Variants in SLC24A2 observed in about 807,000 individuals in gnomAD.
SLC24A2 encodes solute carrier family 24 member 2.
Under a neutral mutation model 62.0 loss-of-function variants are expected in SLC24A2, and 36 were observed. The observed-to-expected ratio is 0.58, with a 90% CI of 0.44 to 0.77. SLC24A2 has a LOEUF of 0.77. Ranked by LOEUF, SLC24A2 falls within the 30% of genes least tolerant of loss-of-function variation. SLC24A2 has a pLI of 0.00. For synonymous variants in SLC24A2, 358 were observed against 294.0 expected, an observed-to-expected ratio of 1.22 and a Z score of -2.23; for missense variants, 846 against 817.9, an observed-to-expected ratio of 1.03 and a Z score of -0.42.
the SLC24A2 span, among the ~76,000 whole-genome samples, chr9:19,898,432 T>G: frequency 6.6e-6 from 1 of 152,164 alleles, no homozygotes; most frequent in African/African-American, 2.4e-5. Flanking sequence ...TTACAGGTTT[T>G]GTGTGAGAAT....
chr9:20,043,511 T>C, the SLC24A2 span, among the ~76,000 whole-genome samples: 12,023 of 152,256 alleles, frequency 0.079, 1,129 homozygotes, highest in East Asian at 0.48. Flanking sequence ...ATTAAGGGCA[T>C]TTGTGATTCA....
At chr9:20,196,562 T>A in the SLC24A2 span, among the ~76,000 whole-genome samples, 1 of 152,214 alleles carries the variant, frequency 6.6e-6, no homozygotes, top group Non-Finnish European at 1.5e-5. Flanking sequence ...CCATTTATAT[T>A]TTCTCATAAT....
the SLC24A2 span, among the ~76,000 whole-genome samples, chr9:19,956,250 C>T: frequency 6.6e-6 from 1 of 152,212 alleles, no homozygotes; most frequent in Admixed American, 6.5e-5. Context: ...CCAAAGTTGT[C>T]TAAACTAGTC....
chr9:19,719,484 C>T (rs1422951352), intron 2 of SLC24A2, among the ~76,000 whole-genome samples: 1 of 149,862 alleles, frequency 6.7e-6, no homozygotes, highest in Non-Finnish European at 1.5e-5. Context: ...TTTTGTTGTA[C>T]AGAGTGAGAG....
chr9:20,241,178 T>G, the SLC24A2 span, among the ~76,000 whole-genome samples: 5 of 152,232 alleles, frequency 3.3e-5, no homozygotes, highest in Admixed American at 1.3e-4. Flanking sequence ...GCTCACCTGG[T>G]GTTAACACTG....
intron 2 of SLC24A2, among the ~76,000 whole-genome samples, chr9:19,750,993 C>T (rs183581738): frequency 4.3e-4 from 66 of 152,320 alleles, no homozygotes; most frequent in Middle Eastern, 6.8e-3. Context: ...TTAGCTGCAC[C>T]CCTAGTTTGT....
the SLC24A2 span, among the ~76,000 whole-genome samples, chr9:20,142,356 G>A: frequency 3.9e-4 from 60 of 151,902 alleles, no homozygotes; most frequent in African/African-American, 1.0e-3. Flanking sequence ...TTTGTGTTAC[G>A]TATTTTTTAT....
chr9:19,771,999 C>T (rs1822705131), intron 2 of SLC24A2, among the ~76,000 whole-genome samples: 1 of 152,120 alleles, frequency 6.6e-6, no homozygotes, highest in African/African-American at 2.4e-5. Flanking sequence ...GCAAAACAGG[C>T]AAAGTTCACA....
At chr9:19,653,175 G>A (rs1309489445) in intron 2 of SLC24A2, among the ~76,000 whole-genome samples, 1 of 152,136 alleles carries the variant, frequency 6.6e-6, no homozygotes, top group African/African-American at 2.4e-5. Context: ...TACACTCAGG[G>A]CCAGTCTCAG....
At chr9:20,266,905 C>T in the SLC24A2 span, among the ~76,000 whole-genome samples, 2 of 152,062 alleles carry the variant, frequency 1.3e-5, no homozygotes, top group Non-Finnish European at 1.5e-5. Flanking sequence ...GAATGAGACC[C>T]CATCTCCACA....
At chr9:19,992,504 T>G in the SLC24A2 span, among the ~76,000 whole-genome samples, 1 of 152,216 alleles carries the variant, frequency 6.6e-6, no homozygotes, top group African/African-American at 2.4e-5. Flanking sequence ...ACCGTTCCAT[T>G]CAAATTGGCT....
At chr9:19,682,570 G>T (rs1217979542) in intron 2 of SLC24A2, among the ~76,000 whole-genome samples, 1 of 152,066 alleles carries the variant, frequency 6.6e-6, no homozygotes, top group East Asian at 1.9e-4. Context: ...CCTGAGGAAA[G>T]GCCTGTTTCC....
At chr9:19,946,411 AG>A in the SLC24A2 span, among the ~76,000 whole-genome samples, 3 of 152,330 alleles carry the variant, frequency 2.0e-5, no homozygotes, top group East Asian at 3.9e-4. Context: ...GTCCCATCTG[AG>A]GAGCTCAATC....
At chr9:19,894,485 T>C in the SLC24A2 span, among the ~76,000 whole-genome samples, 2 of 152,228 alleles carry the variant, frequency 1.3e-5, no homozygotes, top group Admixed American at 6.5e-5. Flanking sequence ...CATGAATGAC[T>C]GAATTGATGA....
chr9:19,647,158 A>G (rs896254190), intron 2 of SLC24A2, among the ~76,000 whole-genome samples: 7 of 151,224 alleles, frequency 4.6e-5, no homozygotes, highest in African/African-American at 7.3e-5. Context: ...TTGATTATCA[A>G]TGTATTTTTA....
chr9:19,666,243 A>G (rs1178239265), intron 2 of SLC24A2, among the ~76,000 whole-genome samples: 1 of 152,008 alleles, frequency 6.6e-6, no homozygotes, highest in Non-Finnish European at 1.5e-5. Context: ...CATCTCCACA[A>G]AAAAATACAA....
chr9:20,026,689 G>A, the SLC24A2 span, among the ~76,000 whole-genome samples: 1 of 152,112 alleles, frequency 6.6e-6, no homozygotes, highest in South Asian at 2.1e-4. Flanking sequence ...ATGAATGAAA[G>A]ACTTAAATGT....
chr9:20,107,407 A>G, the SLC24A2 span, among the ~76,000 whole-genome samples: 4 of 152,016 alleles, frequency 2.6e-5, no homozygotes, highest in African/African-American at 9.7e-5. Context: ...AGCCAAAAGA[A>G]CAAAGCTGGA....
the SLC24A2 span, among the ~76,000 whole-genome samples, chr9:19,876,922 G>C: frequency 6.6e-6 from 1 of 152,020 alleles, no homozygotes. Flanking sequence ...CTTCATTTTT[G>C]AGAAGGACTA....
Sources: gnomAD v4.1 joint callset for allele counts (sites outside exome capture counted in the v4.1 genomes callset) on GRCh38, gnomAD v4.1.1 for gene constraint, MANE v1.5 for transcripts, NCBI Gene and HGNC (gene_info 2026-07-23, HGNC 2026-07-21) for gene names.